The following RFX3 variants were observed in gnomAD, a reference collection of about 807,000 sequenced individuals.
RFX3 encodes transcription factor RFX3.
In RFX3, 14 loss-of-function variants were observed where a neutral mutation model predicts 98.6. The observed-to-expected ratio is 0.14, with a 90% CI of 0.09 to 0.22. RFX3 has a LOEUF of 0.22. Ranked by LOEUF, RFX3 falls within the 10% of genes least tolerant of loss-of-function variation. RFX3 has a pLI of 1.00. For synonymous variants in RFX3, 383 were observed against 328.4 expected (o/e 1.17, Z -1.80); for missense variants, 639 against 926.9 (o/e 0.69, Z 4.03).
At chr9:3,463,372 T>C (rs1847888918) in intron 1 of RFX3, among the ~76,000 whole-genome samples, 1 of 151,962 alleles carries the variant, frequency 6.6e-6, no homozygotes, top group Admixed American at 6.6e-5. Flanking sequence ...ACTCAAAGGG[T>C]ATCATAAGCC....
At chr9:3,419,001 T>C (rs1184667296) in intron 1 of RFX3, among the ~76,000 whole-genome samples, 1 of 152,208 alleles carries the variant, frequency 6.6e-6, no homozygotes, top group Non-Finnish European at 1.5e-5. Flanking sequence ...TTTCTTATTA[T>C]ATGCTCCATT....
At chr9:3,426,084 ATATTT>A (rs1236400045) in intron 1 of RFX3, among the ~76,000 whole-genome samples, 2 of 152,172 alleles carry the variant, frequency 1.3e-5, no homozygotes, top group Non-Finnish European at 2.9e-5. Flanking sequence ...GGATTTACTT[ATATTT>A]TATTTACAAC....
At chr9:3,370,032 G>A (rs530415620) in intron 2 of RFX3, among the ~76,000 whole-genome samples, 24 of 144,072 alleles carry the variant, frequency 1.7e-4, no homozygotes, top group African/African-American at 6.1e-4. Flanking sequence ...TAGTAGAGAC[G>A]GGGTTTCCCC....
intron 1 of RFX3, among the ~76,000 whole-genome samples, chr9:3,421,473 T>A (rs1843434081): frequency 6.6e-6 from 1 of 152,230 alleles, no homozygotes; most frequent in Non-Finnish European, 1.5e-5. Context: ...CTGGTTAACA[T>A]CTTCTAGTCT....
At chr9:3,320,953 G>A (rs1831227012) in intron 4 of RFX3, among the ~76,000 whole-genome samples, 1 of 151,410 alleles carries the variant, frequency 6.6e-6, no homozygotes, top group East Asian at 1.9e-4. Context: ...CTAGGCTGGA[G>A]TACAATGGCG....
intron 1 of RFX3, among the ~76,000 whole-genome samples, chr9:3,415,831 G>T (rs1359857525): frequency 6.6e-6 from 1 of 152,096 alleles, no homozygotes; most frequent in Non-Finnish European, 1.5e-5. Flanking sequence ...CCACATCAGT[G>T]CTGACCCCTC....
chr9:3,492,447 A>G (rs1157685172), intron 1 of RFX3, among the ~76,000 whole-genome samples: 1 of 152,210 alleles, frequency 6.6e-6, no homozygotes, highest in Admixed American at 6.5e-5. Context: ...GGAGGCAAGA[A>G]GTCTGCACAG....
At chr9:3,331,960 A>T (rs1832652816) in intron 3 of RFX3, among the ~76,000 whole-genome samples, 1 of 152,112 alleles carries the variant, frequency 6.6e-6, no homozygotes, top group African/African-American at 2.4e-5. Context: ...GTATGATGAG[A>T]TTCCATTCCT....
chr9:3,291,274 G>A (rs1256387330), intron 6 of RFX3, among the ~76,000 whole-genome samples: 1 of 152,158 alleles, frequency 6.6e-6, no homozygotes, highest in East Asian at 1.9e-4. Context: ...GGGAGGCTGA[G>A]GCAGGAAGAA....
intron 12 of RFX3, among the ~76,000 whole-genome samples, chr9:3,264,679 T>C (rs549408020): frequency 7.2e-5 from 11 of 152,326 alleles, no homozygotes; most frequent in Non-Finnish European, 1.0e-4. Context: ...CTGATGGGAA[T>C]TGACCTGGGC....
At chr9:3,302,936 CAT>C (rs1232606137) in intron 4 of RFX3, among the ~76,000 whole-genome samples, 13 of 151,616 alleles carry the variant, frequency 8.6e-5, no homozygotes, top group Non-Finnish European at 1.3e-4. Context: ...GTTAATAAAA[CAT>C]AATACTGAAA....
At chr9:3,246,971 T>A (rs1332995356) in intron 15 of RFX3, 2 of 723,266 alleles carry the variant, frequency 2.8e-6, no homozygotes, top group Non-Finnish European at 3.4e-6. Context: ...GGGAGGTCCT[T>A]GAAGTATTTT....
intron 15 of RFX3, among the ~76,000 whole-genome samples, chr9:3,246,463 C>T (rs1257872393): frequency 2.0e-5 from 3 of 152,224 alleles, no homozygotes; most frequent in Admixed American, 2.0e-4. Context: ...AAGCAAAGGC[C>T]ATGCATCAAG....
At chr9:3,319,563 G>C (rs990867062) in intron 4 of RFX3, among the ~76,000 whole-genome samples, 1 of 152,022 alleles carries the variant, frequency 6.6e-6, no homozygotes, top group Non-Finnish European at 1.5e-5. Context: ...ACTTGTATAA[G>C]CAATATTATC....
At chr9:3,279,424 G>A (rs1825648036) in intron 7 of RFX3, among the ~76,000 whole-genome samples, 3 of 151,756 alleles carry the variant, frequency 2.0e-5, no homozygotes, top group African/African-American at 7.2e-5. Flanking sequence ...ATTTACCCTG[G>A]AGGAGGAAAA....
At chr9:3,411,169 G>A (rs1304494447) in intron 1 of RFX3, among the ~76,000 whole-genome samples, 3 of 152,028 alleles carry the variant, frequency 2.0e-5, no homozygotes, top group Non-Finnish European at 4.4e-5. Flanking sequence ...TAAATAAAAC[G>A]GAAAGGTTAT....
At chr9:3,392,917 A>G (rs1297925111) in intron 2 of RFX3, among the ~76,000 whole-genome samples, 24 of 152,130 alleles carry the variant, frequency 1.6e-4, no homozygotes, top group Non-Finnish European at 1.5e-5. Context: ...ATATCATGGT[A>G]ATATAAGCAC....
chr9:3,344,478 C>T (rs867303525), intron 3 of RFX3, among the ~76,000 whole-genome samples: 3 of 152,088 alleles, frequency 2.0e-5, no homozygotes, highest in Non-Finnish European at 2.9e-5. Flanking sequence ...TTCAGATTTT[C>T]GGCTCAACTG....
At chr9:3,386,596 G>A (rs1839740034) in intron 2 of RFX3, among the ~76,000 whole-genome samples, 1 of 152,188 alleles carries the variant, frequency 6.6e-6, no homozygotes, top group South Asian at 2.1e-4. Context: ...TTATGAAGTA[G>A]TCCTCAAAGA....
Sources: gnomAD v4.1 joint callset for allele counts (sites outside exome capture counted in the v4.1 genomes callset) on GRCh38, gnomAD v4.1.1 for gene constraint, MANE v1.5 for transcripts, NCBI Gene and HGNC (gene_info 2026-07-23, HGNC 2026-07-21) for gene names.